The following CFAP54 variants were observed in gnomAD, a reference collection of about 807,000 sequenced individuals.
CFAP54 encodes cilia- and flagella-associated protein 54.
A neutral mutation model predicts 370.4 loss-of-function variants in CFAP54; 290 were observed. That is an observed-to-expected ratio of 0.78 (90% confidence interval 0.71 to 0.86). The LOEUF is 0.86. Ranked by LOEUF, CFAP54 falls within the 40% of genes least tolerant of loss-of-function variation. The probability of loss-of-function intolerance (pLI) is 0.00; values close to 1 mark genes in which losing one functional copy is unlikely to be tolerated. For synonymous variants in CFAP54, 1,206 were observed against 1,236.5 expected, an observed-to-expected ratio of 0.98 and a Z score of 0.52; for missense variants, 3,399 against 3,528.7, an observed-to-expected ratio of 0.96 and a Z score of 0.93.
At chr12:96,827,890 T>C (rs192421521) in intron 65 of CFAP54, among the ~76,000 whole-genome samples, 1 of 111,486 alleles carries the variant, frequency 9.0e-6, no homozygotes, top group African/African-American at 3.6e-5. Context: ...TTATATATAA[T>C]ATATAATTAT....
intron 66 of CFAP54, among the ~76,000 whole-genome samples, chr12:96,858,144 T>A (rs1959764872): frequency 6.6e-6 from 1 of 152,208 alleles, no homozygotes; most frequent in Admixed American, 6.5e-5. Context: ...AATGTTCCCT[T>A]TTTCTCTGCA....
chr12:96,500,769 C>A, intron 1 of CFAP54, 65 bp from the exon 2 acceptor site: 1 of 1,145,810 alleles, frequency 8.7e-7, no homozygotes, highest in Non-Finnish European at 1.2e-6. Context: ...TAAAGGATTG[C>A]TTGCAAATTA....
chr12:96,610,749 A>G (rs1219937047), intron 26 of CFAP54, among the ~76,000 whole-genome samples: 2 of 152,208 alleles, frequency 1.3e-5, no homozygotes, highest in African/African-American at 4.8e-5. Flanking sequence ...TATCCCGCGC[A>G]TGGCTCAGAG....
chr12:96,572,097 A>AT (rs1248409093), intron 19 of CFAP54, among the ~76,000 whole-genome samples: 1 of 152,194 alleles, frequency 6.6e-6, no homozygotes, highest in African/African-American at 2.4e-5. Context: ...TGTAATAAAG[A>AT]TTACCCTTTT....
At chr12:96,718,825 G>T (rs1239065083) in intron 49 of CFAP54, among the ~76,000 whole-genome samples, 1 of 152,190 alleles carries the variant, frequency 6.6e-6, no homozygotes, top group East Asian at 1.9e-4. Flanking sequence ...GATCACCTGA[G>T]GTCGGGAGTT....
chr12:96,691,357 C>T (rs759046532), intron 44 of CFAP54, 47 bp downstream of exon 44: 4 of 1,348,794 alleles, frequency 3.0e-6, no homozygotes, highest in South Asian at 1.4e-5. Flanking sequence ...GGATATTTTG[C>T]TCCACTTACC....
intron 60 of CFAP54, among the ~76,000 whole-genome samples, chr12:96,772,142 G>A (rs1030014066): frequency 6.6e-6 from 1 of 152,030 alleles, no homozygotes. Flanking sequence ...CAAAAGATAC[G>A]AAAGGGTATC....
intron 17 of CFAP54, among the ~76,000 whole-genome samples, chr12:96,563,303 A>T (rs1024175849): frequency 5.3e-5 from 8 of 152,124 alleles, no homozygotes; most frequent in African/African-American, 1.9e-4. Flanking sequence ...GGCTTTATTG[A>T]ATTGCCATCC....
chr12:96,792,340 T>C lies in CFAP54; in HGVS notation c.8691T>C (p.Asp2897=), dbSNP rs1279842086. 1 of 1,518,200 alleles carries C rather than the reference T, an allele frequency of 6.6e-7. No homozygotes were observed. The highest frequency in any genetic ancestry group is 2.1e-5 in the Admixed American group (1 of 47,782). The allele number at this position is 1,518,200 out of a possible 1,614,324, so 94.0% of individuals were successfully genotyped here. A position where few individuals can be genotyped will look rare whatever the true frequency, so the allele number is the denominator to read the frequency against. Residue 2897 remains aspartate, a synonymous_variant, in exon 63 of 68, where the codon GAT becomes GAC. Transcript: ENST00000524981. The part of the protein sequence containing the change: ...LRESSAKLYR[D]SSVQSILSFK... Reference sequence around the variant, plus strand: ...TGTTTGTTCCCTAGTTGTATCGCGATAGTTCTGTACAATCCATTTTATCTT... The same window carrying C: ...TGTTTGTTCCCTAGTTGTATCGCGACAGTTCTGTACAATCCATTTTATCTT...
chr12:96,823,471 T>A (rs922458979), intron 65 of CFAP54, among the ~76,000 whole-genome samples: 7 of 152,172 alleles, frequency 4.6e-5, no homozygotes, highest in Admixed American at 6.5e-5. Context: ...CAGCAAGAGA[T>A]GAGATATGAA....
At chr12:96,539,075 T>G (rs1339469890) in intron 13 of CFAP54, among the ~76,000 whole-genome samples, 3 of 136,690 alleles carry the variant, frequency 2.2e-5, no homozygotes, top group South Asian at 2.5e-4. Flanking sequence ...TTTTTTTTTT[T>G]TTGTTTTTGT....
At chr12:96,787,241 T>G (rs1485049286) in intron 62 of CFAP54, among the ~76,000 whole-genome samples, 5 of 152,250 alleles carry the variant, frequency 3.3e-5, no homozygotes, top group Non-Finnish European at 4.4e-5. Context: ...AGACTGATAG[T>G]GTCTAAATCT....
chr12:96,743,361 T>A, intron 52 of CFAP54, 41 bp from the exon 53 acceptor site: 1 of 1,603,014 alleles, frequency 6.2e-7, no homozygotes, highest in Non-Finnish European at 8.5e-7. Flanking sequence ...AACTTCTGAC[T>A]TTCTCAATGC....
chr12:96,690,585 A>G (rs1057252266), intron 43 of CFAP54, among the ~76,000 whole-genome samples: 3 of 152,208 alleles, frequency 2.0e-5, no homozygotes, highest in Non-Finnish European at 2.9e-5. Context: ...GACTTCTGAA[A>G]CAAGTAGTCA....
At chr12:96,626,473 T>G (rs1294630177) in intron 29 of CFAP54, among the ~76,000 whole-genome samples, 5 of 152,076 alleles carry the variant, frequency 3.3e-5, no homozygotes, top group Non-Finnish European at 4.4e-5. Context: ...ATTGATTAAT[T>G]CAGAGTGAAA....
intron 61 of CFAP54, among the ~76,000 whole-genome samples, chr12:96,785,907 C>T (rs544077586): frequency 2.0e-5 from 3 of 152,292 alleles, no homozygotes; most frequent in Admixed American, 6.5e-5. Flanking sequence ...GACAGTTCTA[C>T]GTGGTTTGTC....
intron 17 of CFAP54, among the ~76,000 whole-genome samples, chr12:96,560,156 A>C (rs1020461625): frequency 6.6e-6 from 1 of 152,170 alleles, no homozygotes; most frequent in Non-Finnish European, 1.5e-5. Flanking sequence ...AGCTATTTTG[A>C]AATGTATAAT....
intron 50 of CFAP54, among the ~76,000 whole-genome samples, chr12:96,729,059 C>G (rs749608180): frequency 2.6e-5 from 4 of 152,114 alleles, no homozygotes; most frequent in African/African-American, 7.2e-5. Context: ...GAGGAGTACC[C>G]GGCCATGTGA....
At position 96,623,795 on chromosome 12, in the gene CFAP54, A is replaced by G. The variant is rs1247427113; in HGVS notation, c.3800A>G (p.Lys1267Arg). Residue 1267 changes from lysine to arginine, a missense_variant, in exon 28 of 68, where the codon AAG (lysine) becomes AGG (arginine). Physicochemically the swap from Lys to Arg is conservative, Grantham distance 26. This residue lies in a region of CFAP54 where 2,796 missense variants were observed against 2,869.7 expected (regional missense o/e 0.97). Coordinates refer to ENST00000524981, the MANE Select transcript of CFAP54 (RefSeq NM_001306084.2). ...EDSSKKSLKT[K>R]KPQQILLPEK... is the part of the protein sequence containing the mutation. Reference sequence around the variant, plus strand: ...TCTTCTAAGAAGTCTTTAAAGACTAAGAAGCCACAGCAGATACTACTGCCT... The same window carrying G: ...TCTTCTAAGAAGTCTTTAAAGACTAGGAAGCCACAGCAGATACTACTGCCT... 14 of 1,534,860 alleles carry G rather than the reference A, an allele frequency of 9.1e-6. No individual in the cohort carries two copies. Among genetic ancestry groups the G allele is most frequent in the Non-Finnish European group, 1.1e-5 (13 of 1,146,054 alleles).
Sources: gnomAD v4.1 joint callset for allele counts (sites outside exome capture counted in the v4.1 genomes callset) on GRCh38, gnomAD v4.1.1 for gene constraint, gnomAD v4.1.1 regional missense constraint, MANE v1.5 for transcripts, NCBI Gene and HGNC (gene_info 2026-07-23, HGNC 2026-07-21) for gene names.